Variants in PPP2R2B observed in about 807,000 individuals in gnomAD.
The protein encoded by PPP2R2B is protein phosphatase 2 regulatory subunit Bbeta.
Under a neutral mutation model 46.0 loss-of-function variants are expected in PPP2R2B, and 5 were observed. That is an observed-to-expected ratio of 0.11 (90% CI 0.06 to 0.23). The LOEUF is 0.23. Ranked by LOEUF, PPP2R2B falls within the 10% of genes least tolerant of loss-of-function variation. The pLI is 1.00. For missense variants in PPP2R2B, 367 were observed against 575.0 expected (o/e 0.64, Z 3.70); for synonymous variants, 215 against 206.7 (o/e 1.04, Z -0.34).
chr5:146,851,701 G>T (rs1282453953), intron 2 of PPP2R2B, among the ~76,000 whole-genome samples: 1 of 152,008 alleles, frequency 6.6e-6, no homozygotes, highest in Non-Finnish European at 1.5e-5. Flanking sequence ...CTTTTCTAAG[G>T]AGTCACTATA....
At chr5:146,593,185 G>T in intron 8 of PPP2R2B, 123 bp from the exon 9 acceptor site, 1 of 873,868 alleles carries the variant, frequency 1.1e-6, no homozygotes, top group Non-Finnish European at 1.9e-6. Context: ...GAATCAGATG[G>T]CCTTGGATCT....
rs372655758 is a variant in PPP2R2B, at chr5:146,838,721, C to A, written c.70+39281G>T. On this transcript the variant is annotated intron_variant, in intron 2 of 9. Coordinates refer to ENST00000394411, the MANE Select transcript of PPP2R2B (RefSeq NM_181675.4). ...GAGTTAAGAAAGTGATATGCTAACA[C>A]ATTAATGATTAATAGGTACGAATTT... Among the ~76,000 whole-genome samples, 12 of 152,284 alleles carry A rather than the reference C, an allele frequency of 7.9e-5. No homozygotes were observed. The East Asian group carries it at 1.3e-3, about 17-fold the overall frequency.
rs1040416494 is a variant in PPP2R2B, at chr5:146,587,875, G to C, written c.*2072C>G. 2 of 152,212 alleles carry C rather than the reference G, an allele frequency of 1.3e-5. No homozygotes were observed. Among genetic ancestry groups the C allele is most frequent in the Non-Finnish European group, 2.9e-5 (2 of 68,040 alleles). 9.4% of individuals were successfully genotyped at this position (152,212 alleles called of 1,614,324 possible). A position where few individuals can be genotyped will look rare whatever the true frequency, so the allele number is the denominator to read the frequency against. ...TACATGAGTAATAGTACAAATGTGA[G>C]TTGATTCTTAAGTTTGAGATACAAT... On this transcript the variant is annotated 3_prime_UTR_variant, in exon 10 of 10. Transcript: ENST00000394411.
intron 2 of PPP2R2B, among the ~76,000 whole-genome samples, chr5:146,735,953 C>G (rs1752509213): frequency 6.6e-6 from 1 of 152,136 alleles, no homozygotes; most frequent in Non-Finnish European, 1.5e-5. Flanking sequence ...GTGATGGTGA[C>G]TGATTTAGTT....
intron 2 of PPP2R2B, among the ~76,000 whole-genome samples, chr5:146,739,362 T>A (rs558695344): frequency 6.6e-6 from 1 of 152,206 alleles, no homozygotes; most frequent in South Asian, 2.1e-4. Context: ...AGGGGAAGCA[T>A]CGTGGAGAAA....
Position 146,647,749 on chromosome 5 carries a change from C to T in PPP2R2B, c.625+2798G>A, listed in dbSNP as rs546329272. Among the ~76,000 whole-genome samples, 6 of 152,254 alleles carry T rather than the reference C, an allele frequency of 3.9e-5. No homozygotes were observed. The East Asian group carries it at 1.2e-3, about 29-fold the overall frequency. On this transcript the variant is annotated intron_variant, in intron 6 of 9. Transcript: ENST00000394411. The stretch of plus-strand genomic sequence containing the variant: ...CACCTAGACTGGGGAAGCAGAAGCT[C>T]AGAGTGACAGCCAGCTGAGCCTGAG...
intron 2 of PPP2R2B, among the ~76,000 whole-genome samples, chr5:146,705,933 CTTT>C (rs747667342): frequency 2.2e-5 from 3 of 139,442 alleles, no homozygotes; most frequent in Non-Finnish European, 3.1e-5. Flanking sequence ...TATCTTTTCT[CTTT>C]TTTTTTTTTT....
At chr5:146,989,051 T>G (rs898309613) in intron 1 of PPP2R2B, among the ~76,000 whole-genome samples, 1 of 151,822 alleles carries the variant, frequency 6.6e-6, no homozygotes, top group Admixed American at 6.6e-5. Flanking sequence ...AATTGGATCA[T>G]GAAGAAATAG....
intron 2 of PPP2R2B, among the ~76,000 whole-genome samples, chr5:146,801,413 C>T (rs910087779): frequency 1.1e-4 from 17 of 152,124 alleles, no homozygotes; most frequent in African/African-American, 4.1e-4. Context: ...ATGACACATA[C>T]ATCAAATCAA....
At chr5:147,052,444 T>C (rs1756871889) in intron 1 of PPP2R2B, among the ~76,000 whole-genome samples, 2 of 152,176 alleles carry the variant, frequency 1.3e-5, no homozygotes, top group African/African-American at 2.4e-5. Flanking sequence ...AACAGTCACA[T>C]TGGTTTGCTC....
At chr5:146,733,838 T>C (rs929801597) in intron 2 of PPP2R2B, among the ~76,000 whole-genome samples, 3 of 152,176 alleles carry the variant, frequency 2.0e-5, no homozygotes, top group African/African-American at 7.2e-5. Flanking sequence ...AAAGTACTGA[T>C]TTTGTATTGA....
At chr5:146,891,153 G>A (rs964394723) in intron 1 of PPP2R2B, among the ~76,000 whole-genome samples, 5 of 152,220 alleles carry the variant, frequency 3.3e-5, no homozygotes, top group Non-Finnish European at 7.3e-5. Flanking sequence ...TGATGGGTCA[G>A]TAAAGTGTAA....
At chr5:146,885,063 T>A (rs1762277430) in intron 1 of PPP2R2B, among the ~76,000 whole-genome samples, 1 of 152,196 alleles carries the variant, frequency 6.6e-6, no homozygotes, top group Non-Finnish European at 1.5e-5. Context: ...CAAATTATAA[T>A]GAGTTCATAT....
intron 2 of PPP2R2B, among the ~76,000 whole-genome samples, chr5:146,856,275 G>A (rs548172733): frequency 6.6e-6 from 1 of 152,084 alleles, no homozygotes; most frequent in South Asian, 2.1e-4. Context: ...ATATGTTCTT[G>A]TTCTTAAAAC....
intron 5 of PPP2R2B, among the ~76,000 whole-genome samples, chr5:146,660,915 A>G (rs1776627959): frequency 2.0e-5 from 3 of 152,256 alleles, no homozygotes; most frequent in South Asian, 4.1e-4. Flanking sequence ...GAAGAAAGAC[A>G]TTAATGTCTC....
At chr5:146,598,461 T>G (rs1346944740) in intron 8 of PPP2R2B, among the ~76,000 whole-genome samples, 2 of 152,178 alleles carry the variant, frequency 1.3e-5, no homozygotes, top group African/African-American at 4.8e-5. Context: ...TTAAATACCC[T>G]CTACATACTT....
At chr5:146,983,088 G>C (rs1452087981) in intron 1 of PPP2R2B, among the ~76,000 whole-genome samples, 2 of 147,054 alleles carry the variant, frequency 1.4e-5, no homozygotes, top group Admixed American at 6.7e-5. Flanking sequence ...TGTCCTTTTT[G>C]GTTCATTTTC....
intron 1 of PPP2R2B, chr5:147,040,704 A>C (rs1455384952): frequency 2.3e-6 from 1 of 443,088 alleles, no homozygotes; most frequent in South Asian, 1.7e-5. Context: ...CGTGTGAGGA[A>C]GGTAGCACTT....
At chr5:147,044,990 C>T (rs919609753) in intron 1 of PPP2R2B, among the ~76,000 whole-genome samples, 2 of 152,160 alleles carry the variant, frequency 1.3e-5, no homozygotes, top group Non-Finnish European at 2.9e-5. Flanking sequence ...CCAAACAGAA[C>T]AGAATGTGTT....
Sources: allele counts gnomAD v4.1 joint callset (sites outside exome capture counted in the v4.1 genomes callset), GRCh38; gene constraint gnomAD v4.1.1; transcripts MANE v1.5; gene names NCBI Gene and HGNC (gene_info 2026-07-23, HGNC 2026-07-21).